The following DST variants were observed in gnomAD, a reference collection of about 807,000 sequenced individuals.
DST encodes dystonin.
DST carries 253 observed loss-of-function variants against 875.2 expected under a neutral mutation model. The observed-to-expected ratio is 0.29, with a 90% CI of 0.26 to 0.32. The LOEUF (loss-of-function observed/expected upper bound fraction) is 0.32, where lower values mean the gene tolerates loss of function less well. DST is among the 10% of genes least tolerant of loss of function. The pLI is 1.00. For missense variants in DST, 8,287 were observed against 9,111.6 expected (o/e 0.91, Z 3.68); for synonymous variants, 3,124 against 3,197.1 (o/e 0.98, Z 0.77).
intron 36 of DST, among the ~76,000 whole-genome samples, chr6:56,621,367 C>A (rs2098689402): frequency 6.6e-6 from 1 of 152,122 alleles, no homozygotes; most frequent in Non-Finnish European, 1.5e-5. Flanking sequence ...TTTATACTTG[C>A]CATATTATGA....
chr6:56,900,401 A>G lies in DST; in HGVS notation c.417+20T>C, dbSNP rs1793531786. On this transcript the variant is annotated intron_variant, in intron 3 of 103. Coordinates refer to ENST00000680361, the MANE Select transcript of DST (RefSeq NM_001374736.1). ...TGACAGTGAATTTAATATTTTTATA[A>G]AAGACAGTTCTCTACTTACAGGCCT... 3 of 1,347,792 alleles carry G rather than the reference A, an allele frequency of 2.2e-6. No homozygotes were observed. The highest frequency in any genetic ancestry group is 3.0e-6 in the Non-Finnish European group (3 of 1,013,516). 83.5% of individuals were successfully genotyped at this position (1,347,792 alleles called of 1,614,324 possible). A position where few individuals can be genotyped will look rare whatever the true frequency, so the allele number is the denominator to read the frequency against.
Position 56,601,678 on chromosome 6 carries a change from T to A in DST, c.11308-2A>T, listed in dbSNP as rs1586262891. The A allele has an allele frequency of 7.8e-6, 12 of 1,547,358 alleles. No homozygotes were observed. The East Asian group carries it at 2.8e-4, about 36-fold the overall frequency. ...ATGTCCAAGGTCTTTTAATACATTC[T>A]GTTAAAAAAGTAGTACAAGCTATCA... is the stretch of plus-strand genomic sequence containing the variant. On this transcript the variant is annotated splice_acceptor_variant, in intron 43 of 103. Coordinates refer to ENST00000680361, the MANE Select transcript of DST (RefSeq NM_001374736.1). LOFTEE classifies it high-confidence loss of function.
At chr6:56,922,046 CAT>C (rs145700396) in intron 2 of DST, among the ~76,000 whole-genome samples, 1 of 151,528 alleles carries the variant, frequency 6.6e-6, no homozygotes, top group South Asian at 2.1e-4. Context: ...ATCCTTTCTC[CAT>C]ATATATATAT....
chr6:56,552,203 T>C lies in DST; in HGVS notation c.16589A>G (p.Gln5530Arg). ...PVGMETETIN[Q>R]QLNMFKVFQK... Reference sequence around the variant, plus strand: ...CCCTACCTTGAACATGTTAAGCTGCTGATTAATTGTCTCCGTTTCCATACC... The same window carrying C: ...CCCTACCTTGAACATGTTAAGCTGCCGATTAATTGTCTCCGTTTCCATACC... Residue 5530 changes from glutamine to arginine, a missense_variant, in exon 61 of 104, where the codon CAG becomes CGG. Physicochemically the swap from Gln to Arg is conservative, Grantham distance 43 (BLOSUM62 1). Transcript: ENST00000680361. 1 of 1,610,894 alleles carries C rather than the reference T, an allele frequency of 6.2e-7. No homozygotes were observed. Among genetic ancestry groups the C allele is most frequent in the South Asian group, 1.1e-5 (1 of 90,446 alleles).
At chr6:56,942,787 C>T (rs537974682) in intron 2 of DST, among the ~76,000 whole-genome samples, 1 of 147,672 alleles carries the variant, frequency 6.8e-6, no homozygotes, top group Non-Finnish European at 1.5e-5. Flanking sequence ...ATGATCACGG[C>T]TCACTGTAGC....
chr6:56,607,096 T>C lies in DST; in HGVS notation c.7532A>G (p.Asn2511Ser). ...PGEQYGQKSL[N>S]MISSNPQVQY... ...TACTTGAGGATTACTAGAAATCATA[T>C]TTAAAGATTTCTGTCCATACTGCTC... Residue 2511 changes from asparagine to serine, a missense_variant, in exon 40 of 104, where the codon AAT (asparagine) becomes AGT (serine). Physicochemically the swap from Asn to Ser is conservative, Grantham distance 46. Around this residue, in one of 10 missense-constraint regions of DST, gnomAD observed 3,138 missense variants for 3,116.6 expected, o/e 1.01. Coordinates refer to ENST00000680361, the MANE Select transcript of DST (RefSeq NM_001374736.1). The C allele has an allele frequency of 2.5e-6, 4 of 1,612,732 alleles. No individual in the cohort carries two copies. The highest frequency in any genetic ancestry group is 3.4e-6 in the Non-Finnish European group (4 of 1,179,080).
intron 3 of DST, among the ~76,000 whole-genome samples, chr6:56,886,809 A>G (rs542639724): frequency 6.6e-6 from 1 of 151,634 alleles, no homozygotes; most frequent in Non-Finnish European, 1.5e-5. Context: ...TTCCTGAAAC[A>G]TTACTGTCAT....
chr6:56,717,927 G>A (rs534994823), intron 5 of DST, among the ~76,000 whole-genome samples: 1 of 152,152 alleles, frequency 6.6e-6, no homozygotes, highest in South Asian at 2.1e-4. Context: ...CTCTTCTATT[G>A]CAATTCCCCT....
chr6:56,843,212 G>C, intron 4 of DST: 1 of 1,416,746 alleles, frequency 7.1e-7, no homozygotes, highest in South Asian at 1.7e-5. Flanking sequence ...GGACAGTATC[G>C]CAGTCAGCAA....
chr6:56,693,450 C>T lies in DST; in HGVS notation c.1047+6203G>A, dbSNP rs571330085. 1.2e-5 allele frequency: 12 copies of T among 1,023,596 alleles called. No homozygotes were observed. The East Asian group carries it at 2.5e-4, about 21-fold the overall frequency. 63.4% of individuals were successfully genotyped at this position (1,023,596 alleles called of 1,614,324 possible). A position where few individuals can be genotyped will look rare whatever the true frequency, so the allele number is the denominator to read the frequency against. ...TTACAACACTGATGAGCTCTCAAGG[C>T]AAACCCTTAGCTTCACTGTATGAGA... On this transcript the variant is annotated intron_variant, in intron 9 of 103. Coordinates refer to ENST00000680361, the MANE Select transcript of DST (RefSeq NM_001374736.1).
At chr6:56,773,963 C>CA (rs2099672640) in intron 4 of DST, among the ~76,000 whole-genome samples, 1 of 151,798 alleles carries the variant, frequency 6.6e-6, no homozygotes, top group Admixed American at 6.6e-5. Context: ...ACTAAAAATA[C>CA]AAAAAACAGG....
intron 36 of DST, chr6:56,619,614 C>T (rs1563238013): frequency 1.2e-6 from 2 of 1,613,852 alleles, no homozygotes; most frequent in Non-Finnish European, 1.7e-6. Context: ...TTAAGAGATT[C>T]TAATTCTAAC....
chr6:56,696,809 T>C (rs2099266732), intron 9 of DST, among the ~76,000 whole-genome samples: 1 of 152,168 alleles, frequency 6.6e-6, no homozygotes, highest in African/African-American at 2.4e-5. Flanking sequence ...ATTTTCCTAT[T>C]ACTTCATCCA....
At chr6:56,767,521 A>G (rs2099636706) in intron 4 of DST, among the ~76,000 whole-genome samples, 3 of 151,966 alleles carry the variant, frequency 2.0e-5, no homozygotes, top group Non-Finnish European at 2.9e-5. Context: ...GGAAGCTGAG[A>G]TACGAGAATT....
intron 4 of DST, among the ~76,000 whole-genome samples, chr6:56,814,289 T>C (rs927794033): frequency 1.3e-5 from 2 of 152,180 alleles, no homozygotes; most frequent in African/African-American, 4.8e-5. Flanking sequence ...ACTTTTACCA[T>C]TACACAAGGT....
chr6:56,489,525 G>C lies in DST; in HGVS notation c.20842C>G (p.Pro6948Ala). 6.2e-7 allele frequency: 1 copy of C among 1,612,684 alleles called. No individual in the cohort carries two copies. The highest frequency in any genetic ancestry group is 8.5e-7 in the Non-Finnish European group (1 of 1,179,230). Residue 6948 changes from proline (P) to alanine (A), a missense_variant, in exon 86 of 104, where the codon CCA becomes GCA. By Grantham distance (27) the Pro-to-Ala change is conservative (BLOSUM62 -1). Transcript: ENST00000680361. ...GCAAGTTGTGTTTTTATTTTGTCTG[G>C]ATCATTTGCGATTTCCAGTTCAGAA... ...LDSELEIAND[P>A]DKIKTQLAQH...
intron 90 of DST, 134 bp downstream of exon 90, chr6:56,481,914 ACT>A: frequency 1.1e-6 from 1 of 943,106 alleles, no homozygotes; most frequent in Non-Finnish European, 1.6e-6. Context: ...ACAGAAGTAC[ACT>A]CTCAAATGTA....
chr6:56,524,688 T>A (rs1185623613), intron 69 of DST, among the ~76,000 whole-genome samples: 2 of 152,026 alleles, frequency 1.3e-5, no homozygotes, highest in Non-Finnish European at 2.9e-5. Flanking sequence ...AATACACACA[T>A]GAACAACCAG....
At chr6:56,487,754 T>C (rs1434736103) in intron 86 of DST, among the ~76,000 whole-genome samples, 1 of 152,132 alleles carries the variant, frequency 6.6e-6, no homozygotes, top group Middle Eastern at 3.2e-3. Flanking sequence ...TTTATAAATA[T>C]TCAATAGGAA....
Sources: allele counts gnomAD v4.1 joint callset (sites outside exome capture counted in the v4.1 genomes callset), GRCh38; gene constraint gnomAD v4.1.1; regional missense constraint gnomAD v4.1.1; transcripts MANE v1.5; gene names NCBI Gene and HGNC (gene_info 2026-07-23, HGNC 2026-07-21).